Variants in LGALS9B observed in about 807,000 individuals in gnomAD.
The protein encoded by LGALS9B is galectin 9B.
Under a neutral mutation model 35.9 loss-of-function variants are expected in LGALS9B, and 8 were observed. The ratio of observed to expected loss-of-function variants is 0.22; its 90% confidence interval spans 0.13 to 0.40. The LOEUF (loss-of-function observed/expected upper bound fraction) is 0.40, where lower values mean the gene tolerates loss of function less well. Among genes scored for constraint, LGALS9B ranks in the 10% least tolerant of loss-of-function variants. The probability of loss-of-function intolerance (pLI) is 1.00; values close to 1 mark genes in which losing one functional copy is unlikely to be tolerated. For missense variants in LGALS9B, 101 were observed against 397.9 expected (o/e 0.25, Z 6.35); for synonymous variants, 42 against 148.6 (o/e 0.28, Z 5.22).
At chr17:20,466,148 C>A (rs1597499066) in intron 1 of LGALS9B, among the ~76,000 whole-genome samples, 1 of 152,184 alleles carries the variant, frequency 6.6e-6, no homozygotes, top group East Asian at 1.9e-4. Flanking sequence ...CATACGCTGA[C>A]TCTAAGGCTC....
intron 4 of LGALS9B, among the ~76,000 whole-genome samples, chr17:20,455,988 A>AG (rs1451273585): frequency 6.8e-6 from 1 of 146,918 alleles, no homozygotes; most frequent in African/African-American, 2.5e-5. Context: ...GCAGACCTCC[A>AG]CCACCATACC....
chr17:20,454,721 A>G (rs369566612), intron 5 of LGALS9B, among the ~76,000 whole-genome samples: 54,464 of 135,612 alleles, frequency 0.4, 7,395 homozygotes, highest in Middle Eastern at 0.47. Context: ...GCGTGTGCTG[A>G]GGGCAGGCTG....
intron 10 of LGALS9B, among the ~76,000 whole-genome samples, chr17:20,450,966 C>G (rs2042643037): frequency 6.6e-6 from 1 of 152,152 alleles, no homozygotes; most frequent in South Asian, 2.1e-4. Flanking sequence ...CCCAGGCTCG[C>G]TCTATCTCAT....
rs758589378 is a variant in LGALS9B, at chr17:20,460,329, C to T, written c.131+23G>A. Reference sequence around the variant, plus strand: ...ACTAAGGGACGAGGCTGGAGTGAAACGTTTCCATCCATATACACACACCTG... The same window carrying T: ...ACTAAGGGACGAGGCTGGAGTGAAATGTTTCCATCCATATACACACACCTG... On this transcript the variant is annotated intron_variant, in intron 2 of 10. Transcript: ENST00000423676. 1.7e-5 allele frequency: 27 copies of T among 1,608,682 alleles called. 1 individual carries two copies. The highest frequency in any genetic ancestry group is 3.3e-5 in the South Asian group (3 of 91,056).
chr17:20,461,292 G>A (rs1237480769), intron 1 of LGALS9B, among the ~76,000 whole-genome samples: 27 of 149,430 alleles, frequency 1.8e-4, no homozygotes, highest in Non-Finnish European at 3.6e-4. Flanking sequence ...TTCCTCATCT[G>A]TAAAATAGGA....
chr17:20,459,327 G>A (rs2042711864), intron 2 of LGALS9B, among the ~76,000 whole-genome samples: 1 of 147,158 alleles, frequency 6.8e-6, no homozygotes, highest in Non-Finnish European at 1.5e-5. Flanking sequence ...ATGGGAGTGG[G>A]AAGCCCTCCT....
At position 20,451,924 on chromosome 17, in the gene LGALS9B, G is replaced by A. The variant is rs753639769; in HGVS notation, c.673-41C>T. 2.2e-6 allele frequency: 3 copies of A among 1,357,936 alleles called. No homozygotes were observed. The East Asian group carries it at 6.8e-5, about 31-fold the overall frequency. The allele number at this position is 1,357,936 out of a possible 1,614,324, so 84.1% of individuals were successfully genotyped here. On this transcript the variant is annotated intron_variant, in intron 8 of 10. Coordinates refer to ENST00000423676, the MANE Select transcript of LGALS9B (RefSeq NM_001367292.2). Reference sequence around the variant, plus strand: ...GGACAGGTCAGCCAGTGGCAGCCAGGGCAGCCGCCACATGGAAGGGGAAGA... The same window carrying A: ...GGACAGGTCAGCCAGTGGCAGCCAGAGCAGCCGCCACATGGAAGGGGAAGA...
At chr17:20,458,496 C>G (rs1201324104) in intron 2 of LGALS9B, 112 bp from the exon 3 acceptor site, 1 of 1,473,732 alleles carries the variant, frequency 6.8e-7, no homozygotes, top group East Asian at 2.3e-5. Flanking sequence ...TGCATACAAC[C>G]TGCGTGGCAG....
intron 1 of LGALS9B, among the ~76,000 whole-genome samples, chr17:20,461,366 T>C (rs532116413): frequency 6.6e-6 from 1 of 151,902 alleles, no homozygotes; most frequent in Non-Finnish European, 1.5e-5. Flanking sequence ...TAGAAGAGAC[T>C]GGCACAGAGG....
chr17:20,453,885 C>T (rs544200185), intron 5 of LGALS9B, among the ~76,000 whole-genome samples: 1 of 88,260 alleles, frequency 1.1e-5, no homozygotes, highest in East Asian at 2.2e-4. Context: ...CTGTCTGTAG[C>T]TCCCACAGCC....
chr17:20,466,318 A>G (rs1378263796), intron 1 of LGALS9B, among the ~76,000 whole-genome samples: 1 of 151,606 alleles, frequency 6.6e-6, no homozygotes, highest in Admixed American at 6.6e-5. Context: ...AGCAGAGCTG[A>G]GCTCTGCAGA....
chr17:20,465,939 C>T (rs1310275561), intron 1 of LGALS9B, among the ~76,000 whole-genome samples: 4 of 149,678 alleles, frequency 2.7e-5, no homozygotes, highest in South Asian at 2.2e-4. Context: ...CTGCACTGAT[C>T]GTCTTTCTTG....
At position 20,461,114 on chromosome 17, in the gene LGALS9B, G is replaced by A. The variant is rs375145677; in HGVS notation, c.40-671C>T. ...TCCCCACCCATCCCAGGCCCCGTGG[G>A]CAAGCACTTTGTCAAATTCTCTCTT... On this transcript the variant is annotated intron_variant, in intron 1 of 10. Coordinates refer to ENST00000423676, the MANE Select transcript of LGALS9B (RefSeq NM_001367292.2). Among the ~76,000 whole-genome samples, 225 of 139,418 alleles carry A rather than the reference G, an allele frequency of 1.6e-3. No homozygotes were observed. The Middle Eastern group carries it at 0.019, about 12-fold the overall frequency. 91.5% of individuals were successfully genotyped at this position (139,418 alleles called of 152,430 possible). A position where few individuals can be genotyped will look rare whatever the true frequency, so the allele number is the denominator to read the frequency against.
Position 20,449,805 on chromosome 17 carries a change from A to G in LGALS9B, c.*168T>C, listed in dbSNP as rs71247631. The G allele has an allele frequency of 2.5e-3, 1,232 of 485,152 alleles. 150 individuals carry two copies. Among genetic ancestry groups the G allele is most frequent in the South Asian group, 0.018 (816 of 44,508 alleles). 30.1% of individuals were successfully genotyped at this position (485,152 alleles called of 1,614,324 possible). On this transcript the variant is annotated 3_prime_UTR_variant, in exon 11 of 11. Coordinates refer to ENST00000423676, the MANE Select transcript of LGALS9B (RefSeq NM_001367292.2). ...GACAATCCCAGTCAGCTGCCTTCTC[A>G]ATTCCAGGGTGGCTGTAGCCAGAAG...
intron 5 of LGALS9B, among the ~76,000 whole-genome samples, chr17:20,454,455 G>A (rs1268948178): frequency 2.6e-5 from 4 of 152,270 alleles, no homozygotes; most frequent in East Asian, 3.9e-4. Context: ...TCCATTCTTC[G>A]AGTCCCTAGT....
chr17:20,465,676 A>G (rs1229172923), intron 1 of LGALS9B, among the ~76,000 whole-genome samples: 1 of 101,516 alleles, frequency 9.9e-6, no homozygotes, highest in East Asian at 3.3e-4. Flanking sequence ...AGGTGGTTCC[A>G]GCTTCCCCCC....
chr17:20,466,176 C>T (rs1196449852), intron 1 of LGALS9B, among the ~76,000 whole-genome samples: 22 of 151,916 alleles, frequency 1.4e-4, no homozygotes, highest in Admixed American at 3.3e-4. Flanking sequence ...ACCGGCAGCC[C>T]GTTCCAGCTT....
At chr17:20,461,188 T>C (rs1476427602) in intron 1 of LGALS9B, among the ~76,000 whole-genome samples, 2 of 151,516 alleles carry the variant, frequency 1.3e-5, no homozygotes, top group Non-Finnish European at 2.9e-5. Context: ...ATGCATCGTT[T>C]TGGAGTCAGG....
At position 20,458,298 on chromosome 17, in the gene LGALS9B, A is replaced by G; in HGVS notation, c.218T>C (p.Val73Ala). Residue 73 changes from valine (V) to alanine (A), a missense_variant, in exon 3 of 11, where the codon GTG becomes GCG. By Grantham distance (64) the Val-to-Ala change is moderately conservative. Transcript: ENST00000423676. ...NPRFEDGGYVVCNTRQKGRWG... is the reference protein window; with the variant it reads ...NPRFEDGGYVACNTRQKGRWG... ...TCTTCCTTTCTGCCTCGTGTTGCACACCACATACCCTCCGTCTTCAAACCG... is the reference window on the plus strand; with the variant it reads ...TCTTCCTTTCTGCCTCGTGTTGCACGCCACATACCCTCCGTCTTCAAACCG... The G allele has an allele frequency of 1.2e-6, 2 of 1,613,892 alleles. No homozygotes were observed. Among genetic ancestry groups the G allele is most frequent in the Non-Finnish European group, 1.7e-6 (2 of 1,179,914 alleles).
Sources: allele counts gnomAD v4.1 joint callset (sites outside exome capture counted in the v4.1 genomes callset), GRCh38; gene constraint gnomAD v4.1.1; transcripts MANE v1.5; gene names NCBI Gene and HGNC (gene_info 2026-07-23, HGNC 2026-07-21).